The following MORC1 variants were observed in gnomAD, a reference collection of about 807,000 sequenced individuals.
MORC1 encodes the protein MORC family CW-type zinc finger protein 1.
Under a neutral mutation model 134.9 loss-of-function variants are expected in MORC1, and 59 were observed. The ratio of observed to expected loss-of-function variants is 0.44; its 90% CI spans 0.35 to 0.54. MORC1 has a LOEUF of 0.54. Among genes scored for constraint, MORC1 ranks in the 20% least tolerant of loss-of-function variants. The pLI is 0.00. For missense variants in MORC1, 947 were observed against 1,134.5 expected (o/e 0.83, Z 2.37); for synonymous variants, 395 against 391.7 (o/e 1.01, Z -0.10).
Position 109,093,299 on chromosome 3 carries a change from A to C in MORC1, c.689+137T>G, listed in dbSNP as rs1306556996. ...GTTTGGAAACCACTGACCTAGCCCAACTTTACTAGTAACTAGGGTAAGATG... is the reference window on the plus strand; with the variant it reads ...GTTTGGAAACCACTGACCTAGCCCACCTTTACTAGTAACTAGGGTAAGATG... On this transcript the variant is annotated intron_variant, in intron 8 of 27. Coordinates refer to ENST00000232603, the MANE Select transcript of MORC1 (RefSeq NM_014429.4). 2.2e-5 allele frequency: 14 copies of C among 626,146 alleles called. No homozygotes were observed. In the East Asian group the frequency reaches 3.9e-4, roughly 17 times the overall value. The allele number at this position is 626,146 out of a possible 1,614,324, so 38.8% of individuals were successfully genotyped here. A position where few individuals can be genotyped will look rare whatever the true frequency, so the allele number is the denominator to read the frequency against.
At chr3:109,030,471 TTAA>T (rs1949216071) in intron 16 of MORC1, among the ~76,000 whole-genome samples, 1 of 152,214 alleles carries the variant, frequency 6.6e-6, no homozygotes, top group African/African-American at 2.4e-5. Flanking sequence ...CAAATCTCAA[TTAA>T]CTGCCCTTTT....
At chr3:108,974,688 CT>C (rs1200613246) in intron 24 of MORC1, among the ~76,000 whole-genome samples, 1 of 152,214 alleles carries the variant, frequency 6.6e-6, no homozygotes. Context: ...AGGAATAGTC[CT>C]TCTCTTGAAG....
chr3:109,086,243 ATGTT>A (rs1263636192), intron 8 of MORC1, among the ~76,000 whole-genome samples: 3 of 152,086 alleles, frequency 2.0e-5, no homozygotes, highest in Non-Finnish European at 4.4e-5. Flanking sequence ...AATAATTAGA[ATGTT>A]TGTAGCATAA....
chr3:109,082,336 G>A (rs185127457), intron 8 of MORC1, among the ~76,000 whole-genome samples: 11 of 150,778 alleles, frequency 7.3e-5, no homozygotes, highest in African/African-American at 2.7e-4. Flanking sequence ...AAACCAGACA[G>A]AGAAGACTGG....
chr3:108,972,726 T>C (rs1173808092), intron 24 of MORC1, among the ~76,000 whole-genome samples: 1 of 152,202 alleles, frequency 6.6e-6, no homozygotes, highest in East Asian at 1.9e-4. Context: ...GTGAGAGACC[T>C]TTTACACAAA....
Position 109,063,174 on chromosome 3 carries a change from C to A in MORC1, c.873G>T (p.Lys291Asn). The A allele has an allele frequency of 6.2e-7, 1 of 1,601,590 alleles. No homozygotes were observed. Among genetic ancestry groups the A allele is most frequent in the Non-Finnish European group, 8.5e-7 (1 of 1,170,028 alleles). The change falls in exon 10 of 28, where the codon AAG (lysine) becomes AAT (asparagine). Residue 291 changes from lysine to asparagine, a missense_variant. By Grantham distance (94) the Lys-to-Asn change is moderately conservative. This residue lies in a region of MORC1 where 722 missense variants were observed against 817.0 expected (regional missense o/e 0.88). Transcript: ENST00000232603. ...TACCAATCTTTACTGCTTCTTCTGC[C>A]TTTTTAACTTCATCTTTAAATGCTC... ...FKGAFKDEVK[K>N]AEEAVKIAES...
chr3:109,098,267 T>A (rs1310556914), intron 6 of MORC1, among the ~76,000 whole-genome samples: 1 of 152,104 alleles, frequency 6.6e-6, no homozygotes, highest in Non-Finnish European at 1.5e-5. Context: ...AAATGGGAAG[T>A]GGTTGCTGTT....
intron 9 of MORC1, 86 bp from the exon 10 acceptor site, chr3:109,063,317 C>T (rs1353914821): frequency 1.1e-5 from 8 of 714,130 alleles, no homozygotes; most frequent in Non-Finnish European, 1.8e-5. Flanking sequence ...ACTATATGCT[C>T]CAGAGATACA....
At chr3:109,055,505 T>C (rs2107670583) in intron 13 of MORC1, among the ~76,000 whole-genome samples, 1 of 152,306 alleles carries the variant, frequency 6.6e-6, no homozygotes, top group East Asian at 1.9e-4. Context: ...GCCTATAGTG[T>C]TTTCTTACCA....
intron 5 of MORC1, among the ~76,000 whole-genome samples, chr3:109,099,918 G>A (rs1010657826): frequency 2.0e-5 from 3 of 152,132 alleles, no homozygotes; most frequent in African/African-American, 7.2e-5. Context: ...TTTATTATTT[G>A]GGAGAATTAA....
chr3:109,118,048 C>T lies in MORC1; in HGVS notation c.12G>A (p.Arg4=). 1 of 1,609,350 alleles carries T rather than the reference C, an allele frequency of 6.2e-7. No individual in the cohort carries two copies. The highest frequency in any genetic ancestry group is 8.5e-7 in the Non-Finnish European group (1 of 1,178,192). MDD[R]YPALQRAQLR... is the part of the protein sequence containing the mutation. The stretch of plus-strand genomic sequence containing the variant: ...GCTGGGCCCGCTGAAGCGCAGGGTA[C>T]CTGTCGTCCATGCCCTCGAACACGA... Residue 4 remains arginine (R), a synonymous_variant, in exon 1 of 28, where the codon AGG becomes AGA. Coordinates refer to ENST00000232603, the MANE Select transcript of MORC1 (RefSeq NM_014429.4).
At chr3:109,053,663 A>G (rs1446033984) in intron 14 of MORC1, among the ~76,000 whole-genome samples, 1 of 152,188 alleles carries the variant, frequency 6.6e-6, no homozygotes, top group Admixed American at 6.5e-5. Flanking sequence ...AAAACTACCT[A>G]TTGGGTACTA....
intron 8 of MORC1, among the ~76,000 whole-genome samples, chr3:109,077,458 T>C (rs1950444124): frequency 6.6e-6 from 1 of 152,148 alleles, no homozygotes; most frequent in African/African-American, 2.4e-5. Flanking sequence ...TAAGACCATA[T>C]CTTATTTGTG....
chr3:109,006,493 C>T (rs1296285022), intron 18 of MORC1, among the ~76,000 whole-genome samples: 3 of 152,158 alleles, frequency 2.0e-5, no homozygotes, highest in African/African-American at 7.2e-5. Flanking sequence ...TAAATCCCAT[C>T]GTCTGCCTGT....
intron 18 of MORC1, among the ~76,000 whole-genome samples, chr3:109,006,377 G>A (rs982444890): frequency 6.6e-6 from 1 of 152,048 alleles, no homozygotes; most frequent in Non-Finnish European, 1.5e-5. Context: ...AAGATAGCAT[G>A]GAAACAACTG....
rs528056171 is a variant in MORC1, at chr3:109,080,980, A to G, written c.690-11223T>C. On this transcript the variant is annotated intron_variant, in intron 8 of 27. Transcript: ENST00000232603. ...AGGCTGAACTATTTCATAAATATAGATTTATTAGAACAATATTAAATTAAT... is the reference window on the plus strand; with the variant it reads ...AGGCTGAACTATTTCATAAATATAGGTTTATTAGAACAATATTAAATTAAT... 2.2e-4 allele frequency among the ~76,000 whole-genome samples: 34 copies of G among 152,266 alleles called. No individual in the cohort carries two copies. In the South Asian group the frequency reaches 6.6e-3, roughly 30 times the overall value.
intron 14 of MORC1, chr3:109,049,000 T>TA (rs1156261991): frequency 1.8e-5 from 4 of 221,462 alleles, no homozygotes; most frequent in Non-Finnish European, 3.0e-5. Context: ...TATTTTTAAG[T>TA]AAAACGGGTA....
chr3:109,017,601 C>T (rs935748368), intron 17 of MORC1, among the ~76,000 whole-genome samples: 1 of 152,150 alleles, frequency 6.6e-6, no homozygotes, highest in African/African-American at 2.4e-5. Flanking sequence ...TTTAAAAATA[C>T]ATTTTTTTAA....
intron 24 of MORC1, among the ~76,000 whole-genome samples, chr3:108,974,747 T>C (rs1947501589): frequency 6.6e-6 from 1 of 152,202 alleles, no homozygotes; most frequent in African/African-American, 2.4e-5. Flanking sequence ...AATCAGAAAT[T>C]TGTCTTTGTT....
Sources: gnomAD v4.1 joint callset for allele counts (sites outside exome capture counted in the v4.1 genomes callset) on GRCh38, gnomAD v4.1.1 for gene constraint, gnomAD v4.1.1 regional missense constraint, MANE v1.5 for transcripts, NCBI Gene and HGNC (gene_info 2026-07-23, HGNC 2026-07-21) for gene names.